CEBPZ: variants seen among roughly 807,000 people sequenced by gnomAD.
The protein encoded by CEBPZ is CCAAT/enhancer-binding protein zeta.
A neutral mutation model predicts 104.5 loss-of-function variants in CEBPZ; 78 were observed. That is an observed-to-expected ratio of 0.75 (90% CI 0.62 to 0.90). CEBPZ has a LOEUF of 0.90. CEBPZ is among the 40% of genes least tolerant of loss of function. The pLI is 0.00. For missense variants in CEBPZ, 1,439 were observed against 1,233.5 expected (o/e 1.17, Z -2.50); for synonymous variants, 470 against 427.0 (o/e 1.10, Z -1.24).
intron 10 of CEBPZ, 69 bp downstream of exon 10, chr2:37,213,795 A>G: frequency 9.8e-7 from 1 of 1,017,334 alleles, no homozygotes. Flanking sequence ...CACTTCTCCC[A>G]CTAATGTTCC....
At chr2:37,230,787 C>G (rs1314395158) in intron 1 of CEBPZ, among the ~76,000 whole-genome samples, 1 of 152,128 alleles carries the variant, frequency 6.6e-6, no homozygotes, top group Admixed American at 6.5e-5. Flanking sequence ...ATTTGCTGTT[C>G]CAACTGACTG....
At chr2:37,221,127 C>T (rs757534516) in intron 4 of CEBPZ, among the ~76,000 whole-genome samples, 33 of 151,982 alleles carry the variant, frequency 2.2e-4, no homozygotes, top group Non-Finnish European at 3.5e-4. Flanking sequence ...CGAGACCAGC[C>T]GGTGCACAGA....
chr2:37,228,052 T>G lies in CEBPZ; in HGVS notation c.1141A>C (p.Lys381Gln). The G allele has an allele frequency of 6.2e-7, 1 of 1,614,188 alleles. No individual in the cohort carries two copies. Residue 381 changes from lysine to glutamine, a missense_variant, in exon 2 of 16, where the codon AAG becomes CAG. By Grantham distance (53) the Lys-to-Gln change is moderately conservative. Transcript: ENST00000234170. ...TTTACCACTTGCACAAGAAGAGCCT[T>G]TTCTTCCTCAGGCTTGTTACAAAGC... ...ELLCNKPEEE[K>Q]ALLVQVVNKL... is the part of the protein sequence containing the mutation.
rs776748448 is a variant in CEBPZ at position 37,223,237 on chromosome 2, G to A, written c.1814C>T (p.Ala605Val). The A allele has an allele frequency of 6.2e-7, 1 of 1,614,058 alleles. No individual in the cohort carries two copies. Among genetic ancestry groups the A allele is most frequent in the Admixed American group, 1.7e-5 (1 of 60,012 alleles). ...AAGGATCTCAGACACAAGATATAAA[G>A]CTCCACATATAAATGGTGGCATCTG... ...CQQMPPFICG[A>V]LYLVSEILKA... The change falls in exon 3 of 16, where the codon GCT becomes GTT. Residue 605 changes from alanine to valine, a missense_variant. Transcript: ENST00000234170.
intron 5 of CEBPZ, among the ~76,000 whole-genome samples, chr2:37,217,661 G>C (rs1303574646): frequency 1.3e-5 from 2 of 151,954 alleles, no homozygotes; most frequent in East Asian, 3.9e-4. Flanking sequence ...CCAGCACCTT[G>C]GGAGGCTGAG....
At chr2:37,218,159 C>T (rs1179271855) in intron 5 of CEBPZ, among the ~76,000 whole-genome samples, 5 of 151,190 alleles carry the variant, frequency 3.3e-5, no homozygotes, top group East Asian at 3.9e-4. Context: ...CTCAGCTACT[C>T]GGGAGGCTGA....
intron 4 of CEBPZ, among the ~76,000 whole-genome samples, chr2:37,220,985 A>C (rs531685201): frequency 6.6e-6 from 1 of 152,178 alleles, no homozygotes; most frequent in African/African-American, 2.4e-5. Context: ...TGACAGAGCA[A>C]GACCCTGACT....
intron 8 of CEBPZ, chr2:37,215,513 C>CT (rs1215640823): frequency 1.3e-5 from 2 of 152,394 alleles, no homozygotes; most frequent in African/African-American, 4.8e-5. Flanking sequence ...AACTTACTAA[C>CT]TGTGGGTAAG....
chr2:37,228,764 ATTC>A lies in CEBPZ; in HGVS notation c.426_428del (p.Lys142del), dbSNP rs1558479286. On this transcript the variant is annotated inframe_deletion, in exon 2 of 16. Coordinates refer to ENST00000234170, the MANE Select transcript of CEBPZ (RefSeq NM_005760.3). The stretch of plus-strand genomic sequence containing the variant: ...TCTCATCAGAATGTGGTTCTGGCCT[ATTC>A]TTATTTTTCACCTTATTAACTGATG... 4 of 1,613,988 alleles carry A rather than the reference ATTC, an allele frequency of 2.5e-6. No individual in the cohort carries two copies. Among genetic ancestry groups the A allele is most frequent in the Admixed American group, 3.3e-5 (2 of 60,016 alleles).
At chr2:37,215,370 C>G (rs1450472228) in intron 8 of CEBPZ, 1 of 153,464 alleles carries the variant, frequency 6.5e-6, no homozygotes, top group Non-Finnish European at 1.4e-5. Flanking sequence ...TGGGAATAAA[C>G]AGGAAGTTAA....
intron 1 of CEBPZ, among the ~76,000 whole-genome samples, chr2:37,230,934 C>G (rs1196241804): frequency 6.6e-6 from 1 of 152,182 alleles, no homozygotes; most frequent in African/African-American, 2.4e-5. Flanking sequence ...TTTTATAGCA[C>G]TACCCCGCGT....
chr2:37,209,896 A>C (rs1477292042), intron 13 of CEBPZ: 1 of 152,212 alleles, frequency 6.6e-6, no homozygotes, highest in African/African-American at 2.4e-5. Flanking sequence ...AGAAAGGACT[A>C]ATGTCCAGAA....
rs767800952 is a variant in CEBPZ, at chr2:37,227,495, T to C, written c.1649+49A>G. On this transcript the variant is annotated intron_variant, in intron 2 of 15. Transcript: ENST00000234170. ...ACAGAGGGCACTGCTTGTGCTGTAC[T>C]ACATCAAGTTATTATTTCATGTCTC... 26 of 1,535,334 alleles carry C rather than the reference T, an allele frequency of 1.7e-5. 1 individual carries two copies. The South Asian group carries it at 2.8e-4, about 17-fold the overall frequency.
At position 37,228,674 on chromosome 2, in the gene CEBPZ, C is replaced by G. The variant is rs151130488; in HGVS notation, c.519G>C (p.Gln173His). 3.7e-6 allele frequency: 6 copies of G among 1,614,038 alleles called. No individual in the cohort carries two copies. In the African/African-American group the frequency reaches 6.7e-5, roughly 18 times the overall value. ...TGCCTCCAGGCCTAAGTAACAAAGT[C>G]TGTCTCTCAAAAAATTCAAAGATGT... ...KQNIFEFFER[Q>H]TLLLRPGGKW... Residue 173 changes from glutamine (Q) to histidine (H), a missense_variant, in exon 2 of 16, where the codon CAG becomes CAC. Transcript: ENST00000234170.
intron 13 of CEBPZ, chr2:37,203,969 A>T (rs1677415157): frequency 6.6e-6 from 1 of 152,162 alleles, no homozygotes; most frequent in South Asian, 2.1e-4. Flanking sequence ...ACTTTTTGGC[A>T]TTAATAGTGC....
At chr2:37,229,084 A>G (rs1266610623) in intron 1 of CEBPZ, 48 bp from the exon 2 acceptor site, 1 of 1,358,272 alleles carries the variant, frequency 7.4e-7, no homozygotes, top group Non-Finnish European at 9.7e-7. Flanking sequence ...GTGAAAAATA[A>G]AACCATAAAA....
At chr2:37,220,135 G>A (rs1281015237) in intron 5 of CEBPZ, among the ~76,000 whole-genome samples, 2 of 151,904 alleles carry the variant, frequency 1.3e-5, no homozygotes, top group Non-Finnish European at 2.9e-5. Context: ...TGGCCAACAT[G>A]GTGAAACCCC....
At chr2:37,214,084 A>C in intron 9 of CEBPZ, 123 bp from the exon 10 acceptor site, 1 of 483,396 alleles carries the variant, frequency 2.1e-6, no homozygotes, top group Non-Finnish European at 3.6e-6. Flanking sequence ...CTCAATTGGA[A>C]ATAAATGACT....
intron 1 of CEBPZ, among the ~76,000 whole-genome samples, chr2:37,229,599 TTGA>T (rs1558479836): frequency 1.3e-5 from 2 of 152,222 alleles, no homozygotes; most frequent in Non-Finnish European, 2.9e-5. Context: ...TCATACATGG[TTGA>T]TGTGAGTGTA....
Sources: gnomAD v4.1 joint callset for allele counts (sites outside exome capture counted in the v4.1 genomes callset) on GRCh38, gnomAD v4.1.1 for gene constraint, MANE v1.5 for transcripts, NCBI Gene and HGNC (gene_info 2026-07-23, HGNC 2026-07-21) for gene names.